AMMECR1: variants seen among roughly 807,000 people sequenced by gnomAD.
The protein encoded by AMMECR1 is nuclear protein AMMECR1.
In AMMECR1, 3 loss-of-function variants were observed where a neutral mutation model predicts 22.5. The observed-to-expected ratio is 0.13, with a 90% CI of 0.06 to 0.35. The LOEUF is 0.35. AMMECR1 is among the 10% of genes least tolerant of loss of function. The pLI is 1.00. For missense variants in AMMECR1, 235 were observed against 278.7 expected, an observed-to-expected ratio of 0.84 and a Z score of 1.12; for synonymous variants, 130 against 116.7, an observed-to-expected ratio of 1.11 and a Z score of -0.74.
chrX:110,384,300 T>C (rs1183329151), intron 2 of AMMECR1, among the ~76,000 whole-genome samples: 1 of 110,521 alleles, frequency 9.0e-6, no homozygotes, highest in Non-Finnish European at 1.9e-5. Flanking sequence ...AGCACTGAAA[T>C]CTGAGAGATT....
chrX:110,341,807 G>C (rs909796758), intron 2 of AMMECR1, among the ~76,000 whole-genome samples: 1 of 112,664 alleles, frequency 8.9e-6, no homozygotes, highest in African/African-American at 3.2e-5. Flanking sequence ...GCTCACGCCT[G>C]TAATCCCAAC....
intron 2 of AMMECR1, among the ~76,000 whole-genome samples, chrX:110,372,292 T>C (rs1425043209): frequency 8.9e-6 from 1 of 112,695 alleles, no homozygotes; most frequent in Non-Finnish European, 1.9e-5. Context: ...TCAAATTATT[T>C]GATTTTAAAA....
At chrX:110,246,058 T>C (rs1163554040) in intron 2 of AMMECR1, among the ~76,000 whole-genome samples, 2 of 112,459 alleles carry the variant, frequency 1.8e-5, no homozygotes, top group Non-Finnish European at 3.8e-5. Context: ...GGATGTTAAA[T>C]AGCATCCCCA....
intron 1 of AMMECR1, among the ~76,000 whole-genome samples, chrX:110,280,396 T>G (rs2067846585): frequency 9.0e-6 from 1 of 111,451 alleles, no homozygotes; most frequent in East Asian, 2.8e-4. Flanking sequence ...GTAAAATTGT[T>G]GACATTATGT....
intron 2 of AMMECR1, among the ~76,000 whole-genome samples, chrX:110,364,532 A>T (rs773803656): frequency 9.0e-6 from 1 of 111,547 alleles, no homozygotes; most frequent in South Asian, 3.8e-4. Flanking sequence ...TCCTACTGGG[A>T]TTTATCAAGA....
chrX:110,259,243 C>T (rs2067726342), intron 2 of AMMECR1, among the ~76,000 whole-genome samples: 1 of 111,509 alleles, frequency 9.0e-6, no homozygotes, highest in Non-Finnish European at 1.9e-5. Context: ...CAGCACATCA[C>T]CTTTTATGTG....
Position 110,264,578 on chromosome X carries a change from C to T in AMMECR1, c.495G>A (p.Lys165=). ...CACGTAATCTTTTGTCTCGACCAAT[C>T]TTCCATGTTACAAACAGTGGGCTGT... ...NEPYPLFVTW[K]IGRDKRLRGC... Residue 165 remains lysine, a synonymous_variant, in exon 2 of 6, where the codon AAG becomes AAA. Coordinates refer to ENST00000262844, the MANE Select transcript of AMMECR1 (RefSeq NM_015365.3). 1 of 1,199,711 alleles carries T rather than the reference C, an allele frequency of 8.3e-7. No homozygotes were observed. Among genetic ancestry groups the T allele is most frequent in the Non-Finnish European group, 1.1e-6 (1 of 887,220 alleles).
At chrX:110,312,927 T>G (rs2068030372) in intron 1 of AMMECR1, among the ~76,000 whole-genome samples, 2 of 112,836 alleles carry the variant, frequency 1.8e-5, no homozygotes, top group South Asian at 7.2e-4. Context: ...CATGGCCTCA[T>G]GGCATCATCT....
chrX:110,363,476 T>C (rs1373282883), intron 2 of AMMECR1, among the ~76,000 whole-genome samples: 2 of 111,889 alleles, frequency 1.8e-5, no homozygotes, highest in Non-Finnish European at 3.8e-5. Context: ...TAAGGAGTAA[T>C]GCTCTAAAAT....
At chrX:110,330,316 C>T (rs1157284368) in intron 2 of AMMECR1, among the ~76,000 whole-genome samples, 1 of 111,354 alleles carries the variant, frequency 9.0e-6, no homozygotes, top group Non-Finnish European at 1.9e-5. Flanking sequence ...GTTTTTCATC[C>T]TTTTCCTGCT....
chrX:110,256,548 T>C (rs1270436027), intron 2 of AMMECR1, among the ~76,000 whole-genome samples: 3 of 111,904 alleles, frequency 2.7e-5, no homozygotes, highest in Non-Finnish European at 5.7e-5. Flanking sequence ...AGTTTGCTCT[T>C]TATTTAAAAA....
chrX:110,369,820 G>C (rs1195585564), intron 2 of AMMECR1, among the ~76,000 whole-genome samples: 1 of 110,744 alleles, frequency 9.0e-6, no homozygotes. Flanking sequence ...CTTTTTAATA[G>C]CTACAGTTGT....
At chrX:110,263,165 CA>C (rs1445529188) in intron 2 of AMMECR1, among the ~76,000 whole-genome samples, 12 of 110,368 alleles carry the variant, frequency 1.1e-4, no homozygotes, top group Middle Eastern at 4.7e-3. Context: ...TAGCCATTGG[CA>C]GAATTTGCTG....
intron 1 of AMMECR1, among the ~76,000 whole-genome samples, chrX:110,273,256 C>T (rs1029846760): frequency 4.5e-5 from 5 of 111,378 alleles, no homozygotes; most frequent in African/African-American, 1.3e-4. Context: ...CATGAAGATT[C>T]GCGATGTTGA....
chrX:110,220,005 C>T (rs890805662), intron 2 of AMMECR1, among the ~76,000 whole-genome samples: 1 of 111,894 alleles, frequency 8.9e-6, no homozygotes, highest in African/African-American at 3.2e-5. Context: ...AGCTGCCAGG[C>T]TGGTGTGGAT....
chrX:110,432,570 C>T (rs973421600), intron 1 of AMMECR1, among the ~76,000 whole-genome samples: 9 of 112,047 alleles, frequency 8.0e-5, no homozygotes, highest in Non-Finnish European at 1.5e-4. Flanking sequence ...CACCTCATTG[C>T]TATCACTCTA....
At chrX:110,341,762 CT>C (rs2068165175) in intron 2 of AMMECR1, among the ~76,000 whole-genome samples, 1 of 112,448 alleles carries the variant, frequency 8.9e-6, no homozygotes, top group African/African-American at 3.2e-5. Flanking sequence ...CTGTAAAGTG[CT>C]TCCTTTCAAT....
In AMMECR1 at chrX:110,317,851, T is replaced by TG. The variant is rs757716827; in HGVS notation, c.220dup (p.Gln74ProfsTer125). 2 of 1,172,679 alleles carry TG rather than the reference T, an allele frequency of 1.7e-6. No homozygotes were observed. Among genetic ancestry groups the TG allele is most frequent in the Non-Finnish European group, 1.1e-6 (1 of 876,050 alleles). On this transcript the variant is annotated frameshift_variant, in exon 1 of 6. Coordinates refer to ENST00000262844, the MANE Select transcript of AMMECR1 (RefSeq NM_015365.3). LOFTEE classifies it high-confidence loss of function. The stretch of plus-strand genomic sequence containing the variant: ...CCCCCCGCCGCCGCCGCCGCAGCCC[T>TG]GGGGGGGAGAGAGGGTACAGCCGCT...
intron 2 of AMMECR1, among the ~76,000 whole-genome samples, chrX:110,353,317 C>A (rs375131692): frequency 1.3e-4 from 14 of 111,612 alleles, no homozygotes; most frequent in African/African-American, 4.5e-4. Flanking sequence ...TTGTTTATTT[C>A]TGCTTTAATC....
Sources: gnomAD v4.1 joint callset for allele counts (sites outside exome capture counted in the v4.1 genomes callset) on GRCh38, gnomAD v4.1.1 for gene constraint, MANE v1.5 for transcripts, NCBI Gene and HGNC (gene_info 2026-07-23, HGNC 2026-07-21) for gene names.